The following ITGB1 variants were observed in gnomAD, a reference collection of about 807,000 sequenced individuals.
ITGB1 encodes integrin subunit beta 1.
ITGB1 carries 24 observed loss-of-function variants against 86.5 expected under a neutral mutation model. That is an observed-to-expected ratio of 0.28 (90% CI 0.20 to 0.39). The LOEUF is 0.39. Ranked by LOEUF, ITGB1 falls within the 10% of genes least tolerant of loss-of-function variation. The probability of loss-of-function intolerance (pLI) is 1.00; values close to 1 mark genes in which losing one functional copy is unlikely to be tolerated. For synonymous variants in ITGB1, 323 were observed against 316.8 expected (o/e 1.02, Z -0.21); for missense variants, 556 against 946.9 (o/e 0.59, Z 5.42).
At chr10:32,910,503 T>C (rs1335890268) in intron 13 of ITGB1, 48 bp from the exon 14 acceptor site, 5 of 1,300,320 alleles carry the variant, frequency 3.8e-6, no homozygotes, top group Non-Finnish European at 5.4e-6. Context: ...ATTATTTCAG[T>C]AAATATTTGC....
At chr10:32,940,360 A>T (rs1034582038) in intron 1 of ITGB1, among the ~76,000 whole-genome samples, 4 of 149,388 alleles carry the variant, frequency 2.7e-5, no homozygotes, top group African/African-American at 1.0e-4. Context: ...AAAAAAAAAA[A>T]TTAACAATAT....
chr10:32,927,015 C>CT (rs1326000071), intron 5 of ITGB1, among the ~76,000 whole-genome samples: 60 of 152,150 alleles, frequency 3.9e-4, no homozygotes, highest in African/African-American at 1.4e-3. Flanking sequence ...TGCCTCCCTA[C>CT]TTTAAAAATA....
intron 1 of ITGB1, among the ~76,000 whole-genome samples, chr10:32,942,917 G>A (rs1215396162): frequency 6.6e-6 from 1 of 152,038 alleles, no homozygotes; most frequent in Non-Finnish European, 1.5e-5. Context: ...GGAAGTGGGG[G>A]CCAGGGGAAG....
intron 1 of ITGB1, among the ~76,000 whole-genome samples, 174 bp from the exon 2 acceptor site, chr10:32,935,732 G>C (rs1435266473): frequency 6.6e-6 from 1 of 151,872 alleles, no homozygotes; most frequent in Non-Finnish European, 1.5e-5. Context: ...TCCCTATCTG[G>C]TTCCCTCACC....
intron 1 of ITGB1, chr10:32,945,112 A>G: frequency 2.6e-6 from 1 of 381,700 alleles, no homozygotes; most frequent in Non-Finnish European, 4.9e-6. Flanking sequence ...AAGTTATATT[A>G]CTTTTATTTC....
chr10:32,939,756 G>C (rs2095013660), intron 1 of ITGB1, among the ~76,000 whole-genome samples: 1 of 145,322 alleles, frequency 6.9e-6, no homozygotes, highest in South Asian at 2.5e-4. Flanking sequence ...GAGTGAGTGA[G>C]TGAGTGAGTG....
intron 1 of ITGB1, among the ~76,000 whole-genome samples, chr10:32,949,912 AACT>A (rs1479646532): frequency 2.0e-5 from 3 of 152,180 alleles, no homozygotes; most frequent in Non-Finnish European, 4.4e-5. Flanking sequence ...GAAATTAAAC[AACT>A]ACACTTTAGA....
chr10:32,935,554 T>G lies in ITGB1; in HGVS notation c.5A>C (p.Asn2Thr). Residue 2 changes from asparagine to threonine, a missense_variant, in exon 2 of 16, where the codon AAT becomes ACT. By Grantham distance (65) the Asn-to-Thr change is moderately conservative (BLOSUM62 0). This residue lies in a region of ITGB1 where 183 missense variants were observed against 263.9 expected (regional missense o/e 0.69). Transcript: ENST00000302278. Reference sequence around the variant, plus strand: ...TCCAATCCAGAAAATTGGTTGTAAATTCATCTGAAATGTAAAATGTGCCTT... The same window carrying G: ...TCCAATCCAGAAAATTGGTTGTAAAGTCATCTGAAATGTAAAATGTGCCTT... M[N>T]LQPIFWIGLI... 1 of 1,609,192 alleles carries G rather than the reference T, an allele frequency of 6.2e-7. No individual in the cohort carries two copies. Among genetic ancestry groups the G allele is most frequent in the South Asian group, 1.1e-5 (1 of 90,894 alleles).
At chr10:32,953,993 A>AC (rs923419855) in intron 1 of ITGB1, among the ~76,000 whole-genome samples, 105 of 150,718 alleles carry the variant, frequency 7.0e-4, no homozygotes, top group African/African-American at 2.1e-3. Flanking sequence ...CTCTTCCTCC[A>AC]CCCCCCCTTG....
intron 15 of ITGB1, chr10:32,907,090 G>A (rs1481424225): frequency 1.9e-5 from 26 of 1,359,474 alleles, no homozygotes; most frequent in Non-Finnish European, 2.4e-5. Flanking sequence ...CTTTACGTCC[G>A]TAGTTTGGAT....
intron 1 of ITGB1, among the ~76,000 whole-genome samples, chr10:32,950,039 A>G (rs2095039747): frequency 6.6e-6 from 1 of 152,186 alleles, no homozygotes; most frequent in South Asian, 2.1e-4. Flanking sequence ...ATTTCACAAA[A>G]TCTCAAATCT....
intron 2 of ITGB1, chr10:32,933,428 C>T (rs1313259066): frequency 2.0e-5 from 3 of 152,138 alleles, no homozygotes; most frequent in Non-Finnish European, 2.9e-5. Flanking sequence ...TCCATAATCC[C>T]AGAATTTCTC....
At chr10:32,935,708 T>G in intron 1 of ITGB1, 150 bp from the exon 2 acceptor site, 1 of 594,734 alleles carries the variant, frequency 1.7e-6, no homozygotes, top group Non-Finnish European at 3.0e-6. Context: ...CCACAGACCC[T>G]CGCCCATCTC....
At chr10:32,953,996 C>T (rs2095047604) in intron 1 of ITGB1, among the ~76,000 whole-genome samples, 1 of 152,128 alleles carries the variant, frequency 6.6e-6, no homozygotes, top group Non-Finnish European at 1.5e-5. Context: ...TTCCTCCACC[C>T]CCCCTTGACT....
At chr10:32,903,997 G>C (rs1205840274) in intron 15 of ITGB1, among the ~76,000 whole-genome samples, 2 of 127,250 alleles carry the variant, frequency 1.6e-5, no homozygotes, top group Non-Finnish European at 3.4e-5. Context: ...AATTATAAGG[G>C]AAGGACAAAA....
chr10:32,949,429 G>C (rs1184932893), intron 1 of ITGB1, among the ~76,000 whole-genome samples: 1 of 152,148 alleles, frequency 6.6e-6, no homozygotes, highest in Non-Finnish European at 1.5e-5. Flanking sequence ...CACAGAAATG[G>C]AAAGGGCTTA....
intron 1 of ITGB1, among the ~76,000 whole-genome samples, chr10:32,954,883 A>C (rs1182898818): frequency 3.3e-5 from 5 of 152,214 alleles, no homozygotes; most frequent in African/African-American, 1.2e-4. Context: ...CCAAACGGCA[A>C]GTTTAAAGTT....
At chr10:32,918,677 G>T (rs1011626367) in intron 11 of ITGB1, among the ~76,000 whole-genome samples, 3 of 152,094 alleles carry the variant, frequency 2.0e-5, no homozygotes, top group Non-Finnish European at 4.4e-5. Context: ...ATGTGGAAAG[G>T]CAGAATAAAC....
At position 32,901,642 on chromosome 10, in the gene ITGB1, CAA is replaced by C. The variant is rs112426572; in HGVS notation, c.2332-9_2332-8del. On this transcript the variant is annotated splice_region_variant and splice_polypyrimidine_tract_variant and intron_variant, in intron 15 of 15. Coordinates refer to ENST00000302278, the MANE Select transcript of ITGB1 (RefSeq NM_002211.4). Reference sequence around the variant, plus strand: ...TATAAATAGGATTTTCACCCTACAACAAAAAAAAAGTGAGAAAAATTATCAGT... The same window carrying C: ...TATAAATAGGATTTTCACCCTACAACAAAAAAAGTGAGAAAAATTATCAGT... The C allele has an allele frequency of 6.0e-6, 9 of 1,493,782 alleles. No individual in the cohort carries two copies. The highest frequency in any genetic ancestry group is 2.5e-5 in the South Asian group (2 of 80,850). The allele number at this position is 1,493,782 out of a possible 1,614,324, so 92.5% of individuals were successfully genotyped here.
Sources: gnomAD v4.1 joint callset for allele counts (sites outside exome capture counted in the v4.1 genomes callset) on GRCh38, gnomAD v4.1.1 for gene constraint, gnomAD v4.1.1 regional missense constraint, MANE v1.5 for transcripts, NCBI Gene and HGNC (gene_info 2026-07-23, HGNC 2026-07-21) for gene names.